The following ANKRD28 variants were observed in gnomAD, a reference collection of about 807,000 sequenced individuals.
The protein encoded by ANKRD28 is ankyrin repeat domain 28.
A neutral mutation model predicts 126.5 loss-of-function variants in ANKRD28; 44 were observed. The ratio of observed to expected loss-of-function variants is 0.35; its 90% CI spans 0.27 to 0.45. The LOEUF (loss-of-function observed/expected upper bound fraction) is 0.45. Among genes scored for constraint, ANKRD28 ranks in the 20% least tolerant of loss-of-function variants. The pLI is 1.00. For missense variants in ANKRD28, 1,110 were observed against 1,316.6 expected, an observed-to-expected ratio of 0.84 and a Z score of 2.43; for synonymous variants, 442 against 468.5, an observed-to-expected ratio of 0.94 and a Z score of 0.73.
intron 1 of ANKRD28, among the ~76,000 whole-genome samples, chr3:15,855,775 G>A (rs924168421): frequency 6.6e-6 from 1 of 152,194 alleles, no homozygotes; most frequent in Non-Finnish European, 1.5e-5. Flanking sequence ...GCTGGGAGAA[G>A]GAGGAAATGA....
At chr3:15,828,343 T>C (rs1428037616) in intron 1 of ANKRD28, among the ~76,000 whole-genome samples, 2 of 152,164 alleles carry the variant, frequency 1.3e-5, no homozygotes, top group African/African-American at 4.8e-5. Flanking sequence ...GGCTCATGCC[T>C]GTAATCACAG....
chr3:15,771,136 G>A (rs1019022936), intron 2 of ANKRD28, among the ~76,000 whole-genome samples: 3 of 151,276 alleles, frequency 2.0e-5, no homozygotes, highest in East Asian at 2.0e-4. Flanking sequence ...CAGGCAGGGC[G>A]CAGTGGCTCG....
At chr3:15,721,415 T>C (rs1024348724) in intron 7 of ANKRD28, among the ~76,000 whole-genome samples, 3 of 152,234 alleles carry the variant, frequency 2.0e-5, no homozygotes, top group Non-Finnish European at 4.4e-5. Flanking sequence ...CAGGGAAACG[T>C]AAACTAATGT....
intron 2 of ANKRD28, among the ~76,000 whole-genome samples, chr3:15,777,586 T>G (rs375036736): frequency 8.5e-5 from 13 of 152,334 alleles, no homozygotes; most frequent in African/African-American, 2.9e-4. Context: ...ACATGTGTTC[T>G]AAATGATGAG....
At position 15,668,497 on chromosome 3, in the gene ANKRD28, T is replaced by C. The variant is rs1575050446; in HGVS notation, c.*1773A>G. On this transcript the variant is annotated 3_prime_UTR_variant, in exon 28 of 28. Transcript: ENST00000683139. ...AAGAAAAGATGGGGGATTAGATTTATAATTTCTGTAAATATTTTAGAAAAA... is the reference window on the plus strand; with the variant it reads ...AAGAAAAGATGGGGGATTAGATTTACAATTTCTGTAAATATTTTAGAAAAA... 6.5e-6 allele frequency: 1 copy of C among 152,692 alleles called. No homozygotes were observed. Among genetic ancestry groups the C allele is most frequent in the East Asian group, 1.9e-4 (1 of 5,186 alleles). The allele number at this position is 152,692 out of a possible 1,614,324, so 9.5% of individuals were successfully genotyped here.
chr3:15,802,328 G>A (rs983895689), upstream of ANKRD28, among the ~76,000 whole-genome samples: 1 of 152,116 alleles, frequency 6.6e-6, no homozygotes, highest in Non-Finnish European at 1.5e-5. Flanking sequence ...TGAGGACTTT[G>A]CCAAACAGAA....
chr3:15,760,106 C>CTTTT (rs1190852792), intron 3 of ANKRD28, among the ~76,000 whole-genome samples: 1 of 152,078 alleles, frequency 6.6e-6, no homozygotes, highest in Non-Finnish European at 1.5e-5. Context: ...GCCCAACTAC[C>CTTTT]TGTGGTATAT....
chr3:15,732,239 G>C (rs997879569), intron 6 of ANKRD28: 2 of 152,308 alleles, frequency 1.3e-5, no homozygotes, highest in African/African-American at 2.4e-5. Context: ...GTCTGAAAGG[G>C]GAGGGGGAGA....
intron 18 of ANKRD28, among the ~76,000 whole-genome samples, chr3:15,687,221 G>A (rs1288256954): frequency 2.0e-5 from 3 of 152,030 alleles, no homozygotes; most frequent in Admixed American, 2.0e-4. Flanking sequence ...GGGATTACAG[G>A]CATGAGCCAC....
Position 15,816,643 on chromosome 3 carries a change from C to T in ANKRD28, c.28-21337G>A, listed in dbSNP as rs1182205955. ...TTATTTTACTACACTATTTAACCCA[C>T]TAGATGCTAACTAACAAACATTTAA... On this transcript the variant is annotated intron_variant, in intron 1 of 27. Transcript: ENST00000399451. This position sits in a 1 kb window ranked among gnomAD's most constrained non-coding sequence, Gnocchi z 5.0. Among the ~76,000 whole-genome samples, 2 of 151,836 alleles carry T rather than the reference C, an allele frequency of 1.3e-5. No homozygotes were observed. Among genetic ancestry groups the T allele is most frequent in the African/African-American group, 2.4e-5 (1 of 41,114 alleles).
At chr3:15,704,898 TAA>T (rs1194210746) in intron 14 of ANKRD28, among the ~76,000 whole-genome samples, 2 of 152,144 alleles carry the variant, frequency 1.3e-5, no homozygotes, top group African/African-American at 2.4e-5. Context: ...TTTTGATACT[TAA>T]TAAAGATAGG....
Position 15,843,833 on chromosome 3 carries a change from G to T in ANKRD28, c.27+15544C>A, listed in dbSNP as rs565638666. ...ATAAAACAATTTACAATAAGCAAGG[G>T]TATCAATACGAAAGCAATGGGCAAG... On this transcript the variant is annotated intron_variant, in intron 1 of 27. Transcript: ENST00000399451. The surrounding 1 kb of genome is among the most constrained non-coding windows in gnomAD (Gnocchi z 5.2). Among the ~76,000 whole-genome samples the T allele has an allele frequency of 9.9e-5, 15 of 152,154 alleles. No individual in the cohort carries two copies. The highest frequency in any genetic ancestry group is 3.1e-4 in the African/African-American group (13 of 41,534).
chr3:15,721,681 G>C (rs565705204), intron 7 of ANKRD28, among the ~76,000 whole-genome samples: 1 of 152,252 alleles, frequency 6.6e-6, no homozygotes, highest in Non-Finnish European at 1.5e-5. Context: ...GTCATATGCA[G>C]GTATTTTATC....
At chr3:15,713,688 G>T in intron 9 of ANKRD28, 47 bp from the exon 10 acceptor site, 2 of 1,245,066 alleles carry the variant, frequency 1.6e-6, no homozygotes, top group Non-Finnish European at 1.1e-6. Context: ...ATAAAGATCA[G>T]GTCAAACGTA....
At position 15,804,679 on chromosome 3, in the gene ANKRD28, C is replaced by T. The variant is rs993600910; in HGVS notation, c.28-9373G>A. 6.2e-5 allele frequency among the ~76,000 whole-genome samples: 9 copies of T among 145,434 alleles called. 1 individual carries two copies. The highest frequency in any genetic ancestry group is 2.3e-4 in the African/African-American group (9 of 39,002). Reference sequence around the variant, plus strand: ...AATGAGACAAGTTGTAGGATGTGGTCATTGAGGTGGTTACAGCCAAGTGGA... The same window carrying T: ...AATGAGACAAGTTGTAGGATGTGGTTATTGAGGTGGTTACAGCCAAGTGGA... On this transcript the variant is annotated intron_variant, in intron 1 of 27. Transcript: ENST00000399451.
chr3:15,795,912 A>G (rs991322885), intron 1 of ANKRD28, among the ~76,000 whole-genome samples: 3 of 152,168 alleles, frequency 2.0e-5, no homozygotes, highest in Non-Finnish European at 4.4e-5. Context: ...TTGATAAGGT[A>G]TACTATACTA....
At chr3:15,709,374 G>T (rs2071916442) in intron 13 of ANKRD28, among the ~76,000 whole-genome samples, 2 of 152,074 alleles carry the variant, frequency 1.3e-5, no homozygotes, top group African/African-American at 4.8e-5. Flanking sequence ...GTTCTATGGG[G>T]CTTTACATTT....
rs1255698165 is a variant in ANKRD28, at chr3:15,678,157, C to G, written c.2707+52G>C. On this transcript the variant is annotated intron_variant, in intron 24 of 27. Coordinates refer to ENST00000683139, the MANE Select transcript of ANKRD28 (RefSeq NM_001349278.2). Reference sequence around the variant, plus strand: ...CAGAAGTCTTGGGATCTAAGTTATACATAAGTGATACACATACTTAGGAAA... The same window carrying G: ...CAGAAGTCTTGGGATCTAAGTTATAGATAAGTGATACACATACTTAGGAAA... 2.0e-6 allele frequency: 3 copies of G among 1,517,508 alleles called. No homozygotes were observed. In the Admixed American group the frequency reaches 6.0e-5, roughly 30 times the overall value. The allele number at this position is 1,517,508 out of a possible 1,614,324, so 94.0% of individuals were successfully genotyped here.
chr3:15,796,928 T>A lies in ANKRD28; in HGVS notation c.-407A>T. 1 of 985,728 alleles carries A rather than the reference T, an allele frequency of 1.0e-6. No homozygotes were observed. Among genetic ancestry groups the A allele is most frequent in the Non-Finnish European group, 1.2e-6 (1 of 830,148 alleles). 61.1% of individuals were successfully genotyped at this position (985,728 alleles called of 1,614,324 possible). A position where few individuals can be genotyped will look rare whatever the true frequency, so the allele number is the denominator to read the frequency against. ...TGACACAACACCACACAATATAGAATGAAATGAGAAACAACTGCTGTGACA... is the reference window on the plus strand; with the variant it reads ...TGACACAACACCACACAATATAGAAAGAAATGAGAAACAACTGCTGTGACA... On this transcript the variant is annotated 5_prime_UTR_variant, in exon 1 of 28. Transcript: ENST00000683139.
Sources: allele counts gnomAD v4.1 joint callset (sites outside exome capture counted in the v4.1 genomes callset), GRCh38; gene constraint gnomAD v4.1.1; non-coding constraint Gnocchi (gnomAD v3.1); transcripts MANE v1.5; gene names NCBI Gene and HGNC (gene_info 2026-07-23, HGNC 2026-07-21).